Variants in ASZ1 observed in about 807,000 individuals in gnomAD.
ASZ1 encodes ankyrin repeat, SAM and basic leucine zipper domain containing 1, also known as ankyrin repeat, SAM and basic leucine zipper domain-containing protein 1.
ASZ1 carries 67 observed loss-of-function variants against 61.8 expected under a neutral mutation model. The observed-to-expected ratio is 1.08, with a 90% CI of 0.89 to 1.33. The LOEUF (loss-of-function observed/expected upper bound fraction) is 1.33. ASZ1 is among the 40% of genes most tolerant of loss of function. The pLI, the probability that ASZ1 is intolerant of heterozygous loss-of-function variation, is 0.00. For missense variants in ASZ1, 577 were observed against 554.5 expected (o/e 1.04, Z -0.41); for synonymous variants, 193 against 192.7 (o/e 1.00, Z -0.01).
At chr7:117,374,315 T>C (rs927760147) in intron 10 of ASZ1, among the ~76,000 whole-genome samples, 31 of 152,264 alleles carry the variant, frequency 2.0e-4, no homozygotes, top group African/African-American at 6.5e-4. Flanking sequence ...TTTGCAAGTA[T>C]AGGATATAAT....
At chr7:117,411,670 T>G (rs559390130) in intron 4 of ASZ1, among the ~76,000 whole-genome samples, 1 of 151,966 alleles carries the variant, frequency 6.6e-6, no homozygotes, top group East Asian at 1.9e-4. Context: ...ATCATCGTTA[T>G]GGCAAACAAA....
At position 117,420,149 on chromosome 7, in the gene ASZ1, A is replaced by G; in HGVS notation, c.440+14T>C. On this transcript the variant is annotated intron_variant, in intron 4 of 12. Coordinates refer to ENST00000284629, the MANE Select transcript of ASZ1 (RefSeq NM_130768.3). ...AATTTGACTTGAATTTTGAACAGAT[A>G]TAAAGGCTCTTACCTACAAGCAACA... 6.3e-7 allele frequency: 1 copy of G among 1,588,150 alleles called. No individual in the cohort carries two copies. Among genetic ancestry groups the G allele is most frequent in the East Asian group, 2.2e-5 (1 of 44,616 alleles).
Position 117,367,448 on chromosome 7 carries a change from A to G in ASZ1, c.1179T>C (p.Ala393=), listed in dbSNP as rs1166840016. Residue 393 remains alanine (A), a synonymous_variant, in exon 12 of 13, where the codon GCT becomes GCC. Coordinates refer to ENST00000284629, the MANE Select transcript of ASZ1 (RefSeq NM_130768.3). ...VNSQKITLEW[A]SPQNFTSVCE... ...AAACTGAAGTAAAATTCTGGGGAGAAGCCCATTCCAGTGTTATCTGTTAAT... is the reference window on the plus strand; with the variant it reads ...AAACTGAAGTAAAATTCTGGGGAGAGGCCCATTCCAGTGTTATCTGTTAAT... 6.5e-7 allele frequency: 1 copy of G among 1,536,820 alleles called. No homozygotes were observed. Among genetic ancestry groups the G allele is most frequent in the Non-Finnish European group, 8.7e-7 (1 of 1,142,912 alleles).
At position 117,419,939 on chromosome 7, in the gene ASZ1, T is replaced by C. The variant is rs1797068205; in HGVS notation, c.440+224A>G. 2.6e-5 allele frequency among the ~76,000 whole-genome samples: 4 copies of C among 152,208 alleles called. 1 individual carries two copies. The South Asian group carries it at 6.2e-4, about 24-fold the overall frequency. On this transcript the variant is annotated intron_variant, in intron 4 of 12. Transcript: ENST00000284629. ...GTTTATTGTCCTCCTTTCCCTCTCA[T>C]TCTAAATTCTTATGACGTTTCTCTC...
At chr7:117,396,753 T>C (rs924773117) in intron 4 of ASZ1, among the ~76,000 whole-genome samples, 10 of 152,312 alleles carry the variant, frequency 6.6e-5, no homozygotes, top group Non-Finnish European at 1.3e-4. Context: ...CTTTGTTAAA[T>C]TGGATTTCAG....
intron 10 of ASZ1, among the ~76,000 whole-genome samples, chr7:117,370,701 C>T (rs1174468540): frequency 6.6e-6 from 1 of 151,928 alleles, no homozygotes; most frequent in African/African-American, 2.4e-5. Context: ...TCATTAATAT[C>T]AAGAGTTGAC....
intron 11 of ASZ1, chr7:117,368,173 C>T: frequency 1.2e-6 from 1 of 835,902 alleles, no homozygotes; most frequent in Non-Finnish European, 1.4e-6. Flanking sequence ...GCAATTCTCC[C>T]ACGTGGGCCT....
chr7:117,372,885 A>G (rs1175555185), intron 10 of ASZ1, among the ~76,000 whole-genome samples: 1 of 152,144 alleles, frequency 6.6e-6, no homozygotes, highest in Non-Finnish European at 1.5e-5. Context: ...TTCCCATGAC[A>G]TTAAGTTTCA....
At chr7:117,423,504 T>C (rs1797137836) in intron 2 of ASZ1, among the ~76,000 whole-genome samples, 1 of 151,810 alleles carries the variant, frequency 6.6e-6, no homozygotes, top group Non-Finnish European at 1.5e-5. Context: ...TTATTGAGAA[T>C]ACTGCTCAAA....
chr7:117,393,818 C>T (rs1270198428), intron 4 of ASZ1, among the ~76,000 whole-genome samples: 1 of 152,102 alleles, frequency 6.6e-6, no homozygotes, highest in African/African-American at 2.4e-5. Context: ...GACATAGAAT[C>T]ACCTTGTTAG....
chr7:117,379,696 AAAAC>A (rs1796213483), intron 10 of ASZ1, among the ~76,000 whole-genome samples: 1 of 151,884 alleles, frequency 6.6e-6, no homozygotes, highest in South Asian at 2.1e-4. Context: ...ATGAAAAAAT[AAAAC>A]AAAAATATTT....
intron 10 of ASZ1, among the ~76,000 whole-genome samples, chr7:117,374,842 A>G (rs1796108605): frequency 6.6e-6 from 1 of 152,216 alleles, no homozygotes; most frequent in East Asian, 1.9e-4. Context: ...CATTATTCCT[A>G]TTCTTAGTCC....
intron 11 of ASZ1, chr7:117,367,919 TTG>T (rs1554359568): frequency 1.0e-6 from 1 of 966,570 alleles, no homozygotes; most frequent in Non-Finnish European, 1.2e-6. Flanking sequence ...TCTTGTTCTG[TTG>T]CCCAGGCTGG....
At chr7:117,368,081 T>C (rs1584715409) in intron 11 of ASZ1, 1 of 358,614 alleles carries the variant, frequency 2.8e-6, no homozygotes, top group Non-Finnish European at 3.9e-6. Flanking sequence ...CATGCCATCA[T>C]GCGCAGCTAA....
intron 6 of ASZ1, 111 bp from the exon 7 acceptor site, chr7:117,383,221 G>C: frequency 2.5e-6 from 3 of 1,213,258 alleles, no homozygotes; most frequent in Non-Finnish European, 3.2e-6. Context: ...ATTTTAGCAA[G>C]TAAGTGGGAC....
chr7:117,420,823 C>T (rs1160469371), intron 3 of ASZ1, among the ~76,000 whole-genome samples: 1 of 152,116 alleles, frequency 6.6e-6, no homozygotes, highest in Non-Finnish European at 1.5e-5. Flanking sequence ...CAGCAAAGAT[C>T]AGAGTAAATT....
chr7:117,364,350 T>C (rs1795890840), intron 12 of ASZ1, among the ~76,000 whole-genome samples: 1 of 151,754 alleles, frequency 6.6e-6, no homozygotes, highest in Non-Finnish European at 1.5e-5. Context: ...CCTTCTCCCC[T>C]ACCTACTGTG....
chr7:117,392,883 G>A (rs1004303620), intron 4 of ASZ1, among the ~76,000 whole-genome samples: 1 of 139,646 alleles, frequency 7.2e-6, no homozygotes, highest in African/African-American at 2.8e-5. Context: ...GTCTCACTCT[G>A]TTGCCCAGGC....
At chr7:117,416,051 A>AGAG (rs1230474291) in intron 4 of ASZ1, among the ~76,000 whole-genome samples, 2 of 151,992 alleles carry the variant, frequency 1.3e-5, no homozygotes, top group Non-Finnish European at 2.9e-5. Flanking sequence ...ATTAGCTAGG[A>AGAG]GTGGTGGCAT....
Sources: gnomAD v4.1 joint callset for allele counts (sites outside exome capture counted in the v4.1 genomes callset) on GRCh38, gnomAD v4.1.1 for gene constraint, MANE v1.5 for transcripts, NCBI Gene and HGNC (gene_info 2026-07-23, HGNC 2026-07-21) for gene names.